CHERP: variants seen among roughly 807,000 people sequenced by gnomAD.
The protein encoded by CHERP is ERPROT 213-21.
In CHERP, 8 loss-of-function variants were observed where a neutral mutation model predicts 113.8. The ratio of observed to expected loss-of-function variants is 0.07; its 90% confidence interval spans 0.04 to 0.13. The LOEUF is 0.13. Among genes scored for constraint, CHERP ranks in the 10% least tolerant of loss-of-function variants. The pLI, the probability that CHERP is intolerant of heterozygous loss-of-function variation, is 1.00. For synonymous variants in CHERP, 559 were observed against 524.5 expected (o/e 1.07, Z -0.90); for missense variants, 884 against 1,298.2 (o/e 0.68, Z 4.90).
chr19:16,534,043 CTTTCT>C lies in CHERP; in HGVS notation c.385-900_385-896del, dbSNP rs1295956916. Among the ~76,000 whole-genome samples the C allele has an allele frequency of 1.1e-3, 151 of 142,370 alleles. 1 individual carries two copies. The highest frequency in any genetic ancestry group is 3.3e-3 in the African/African-American group (116 of 35,558). The allele number at this position is 142,370 out of a possible 152,430, so 93.4% of individuals were successfully genotyped here. On this transcript the variant is annotated intron_variant, in intron 3 of 16. Coordinates refer to ENST00000546361, the MANE Select transcript of CHERP (RefSeq NM_006387.6). ...GAAGCTGAGGGTGAGCATTCTGGAA[CTTTCT>C]TTTCTTTTCTTTTTTTTTTTTTTGA... is the stretch of plus-strand genomic sequence containing the variant.
chr19:16,522,097 C>T (rs1399801210), intron 11 of CHERP, among the ~76,000 whole-genome samples: 1 of 152,176 alleles, frequency 6.6e-6, no homozygotes, highest in African/African-American at 2.4e-5. Flanking sequence ...CCTGTTGAGG[C>T]CCTGCCCTGC....
At position 16,528,179 on chromosome 19, in the gene CHERP, A is replaced by G. The variant is rs2122262429; in HGVS notation, c.1206T>C (p.Ala402=). The G allele has an allele frequency of 6.2e-7, 1 of 1,613,174 alleles. No individual in the cohort carries two copies. The highest frequency in any genetic ancestry group is 1.3e-5 in the African/African-American group (1 of 75,016). Reference sequence around the variant, plus strand: ...GTGGCCCGGGGCCCCGGGGGCCGGCAGCTGCAGGATCCTGGACCCCTCCTG... The same window carrying G: ...GTGGCCCGGGGCCCCGGGGGCCGGCGGCTGCAGGATCCTGGACCCCTCCTG... The part of the protein sequence containing the change: ...EAPGGVQDPA[A]AGPRGPGPHD... Residue 402 remains alanine, a synonymous_variant, in exon 9 of 17, where the codon GCT becomes GCC. Coordinates refer to ENST00000546361, the MANE Select transcript of CHERP (RefSeq NM_006387.6).
In CHERP at chr19:16,519,506, A is replaced by T. The variant is rs2085586705; in HGVS notation, c.2557+115T>A. ...GTCTAGAGGGTCTGGGTGGAGTCAG[A>T]ACCGGCCTGACTCCATCCATCCCCA... On this transcript the variant is annotated intron_variant, in intron 16 of 16. Transcript: ENST00000546361. The surrounding 1 kb of genome is among the most constrained non-coding windows in gnomAD (Gnocchi z 6.0). 5.6e-6 allele frequency: 7 copies of T among 1,254,740 alleles called. No individual in the cohort carries two copies. The highest frequency in any genetic ancestry group is 8.1e-6 in the Non-Finnish European group (7 of 868,682). The allele number at this position is 1,254,740 out of a possible 1,614,324, so 77.7% of individuals were successfully genotyped here.
rs2122237487 is a variant in CHERP, at chr19:16,519,433, G to A, written c.2558-81C>T. On this transcript the variant is annotated intron_variant, in intron 16 of 16. Transcript: ENST00000546361. The surrounding 1 kb of genome is among the most constrained non-coding windows in gnomAD (Gnocchi z 6.0). ...CGTGGGGGGCTGAATGTCCAGACAG[G>A]CAGTGTAGACATGGGAAATGGGTAG... 2 of 1,452,430 alleles carry A rather than the reference G, an allele frequency of 1.4e-6. No individual in the cohort carries two copies. Among genetic ancestry groups the A allele is most frequent in the South Asian group, 1.2e-5 (1 of 81,582 alleles). The allele number at this position is 1,452,430 out of a possible 1,614,324, so 90.0% of individuals were successfully genotyped here.
intron 1 of CHERP, 137 bp downstream of exon 1, chr19:16,542,217 C>G (rs1204377294): frequency 9.3e-7 from 1 of 1,079,356 alleles, no homozygotes; most frequent in Non-Finnish European, 1.3e-6. Context: ...AATGCGGGGA[C>G]CCACGGGAGA....
intron 2 of CHERP, chr19:16,539,668 T>C (rs2085764848): frequency 6.6e-6 from 1 of 152,084 alleles, no homozygotes. Flanking sequence ...TCTTCCCTCA[T>C]ACAAGCACAT....
chr19:16,533,181 A>G (rs2085718740), intron 3 of CHERP, 33 bp from the exon 4 acceptor site: 3 of 1,560,506 alleles, frequency 1.9e-6, no homozygotes, highest in African/African-American at 1.3e-5. Flanking sequence ...TCGAGAACAC[A>G]TGAGGAGGGA....
At position 16,518,787 on chromosome 19, in the gene CHERP, T is replaced by C. The variant is rs1475956475; in HGVS notation, c.*372A>G. 1 of 257,312 alleles carries C rather than the reference T, an allele frequency of 3.9e-6. No individual in the cohort carries two copies. Among genetic ancestry groups the C allele is most frequent in the Non-Finnish European group, 7.5e-6 (1 of 132,616 alleles). The allele number at this position is 257,312 out of a possible 1,614,324, so 15.9% of individuals were successfully genotyped here. On this transcript the variant is annotated 3_prime_UTR_variant, in exon 17 of 17. Transcript: ENST00000546361. Reference sequence around the variant, plus strand: ...GGCTCAGGCCAACCCTTCCTGCACATGCTCCTCCTGGAGCCTAGGAGGAGG... The same window carrying C: ...GGCTCAGGCCAACCCTTCCTGCACACGCTCCTCCTGGAGCCTAGGAGGAGG...
chr19:16,521,505 G>T lies in CHERP; in HGVS notation c.2114+16C>A, dbSNP rs756060926. ...ACAGAGGCCTCCCGCCCACCCCACT[G>T]ACCTGGGCCCCTTACCTGTTCCTGG... On this transcript the variant is annotated intron_variant, in intron 12 of 16. Coordinates refer to ENST00000546361, the MANE Select transcript of CHERP (RefSeq NM_006387.6). The T allele has an allele frequency of 9.5e-6, 15 of 1,573,876 alleles. No individual in the cohort carries two copies. In the South Asian group the frequency reaches 1.7e-4, roughly 18 times the overall value.
At position 16,519,979 on chromosome 19, in the gene CHERP, T is replaced by G; in HGVS notation, c.2462+170A>C. The G allele has an allele frequency of 1.3e-6, 1 of 750,106 alleles. No homozygotes were observed. Among genetic ancestry groups the G allele is most frequent in the South Asian group, 1.7e-5 (1 of 57,844 alleles). The allele number at this position is 750,106 out of a possible 1,614,324, so 46.5% of individuals were successfully genotyped here. A position where few individuals can be genotyped will look rare whatever the true frequency, so the allele number is the denominator to read the frequency against. On this transcript the variant is annotated intron_variant, in intron 15 of 16. Coordinates refer to ENST00000546361, the MANE Select transcript of CHERP (RefSeq NM_006387.6). The surrounding 1 kb of genome is among the most constrained non-coding windows in gnomAD (Gnocchi z 6.0). ...TAGAAAGCAGACCCCAGTTACTGCC[T>G]CAGGCTTCGCCAAGTGGCTACTGTG...
At position 16,520,911 on chromosome 19, in the gene CHERP, C is replaced by G; in HGVS notation, c.2116G>C (p.Glu706Gln). The stretch of plus-strand genomic sequence containing the variant: ...TAGAGGCCGTTCTGCTCCCAGCCTT[C>G]ACTGTAAGACACGGCATTCCGTGTG... ...PPSHDRPRNS[E>Q]GWEQNGLYEF... is the part of the protein sequence containing the mutation. Residue 706 changes from glutamate (E) to glutamine (Q), a missense_variant and splice_region_variant, in exon 13 of 17, where the codon GAA becomes CAA. Transcript: ENST00000546361. This position sits in a 1 kb window ranked among gnomAD's most constrained non-coding sequence, Gnocchi z 4.0. 1 of 1,613,578 alleles carries G rather than the reference C, an allele frequency of 6.2e-7. No individual in the cohort carries two copies. The highest frequency in any genetic ancestry group is 8.5e-7 in the Non-Finnish European group (1 of 1,179,894).
rs2085653898 is a variant in CHERP, at chr19:16,525,766, G to A, written c.1306-89C>T. On this transcript the variant is annotated intron_variant, in intron 9 of 16. Coordinates refer to ENST00000546361, the MANE Select transcript of CHERP (RefSeq NM_006387.6). This position sits in a 1 kb window ranked among gnomAD's most constrained non-coding sequence, Gnocchi z 6.5. Reference sequence around the variant, plus strand: ...AGCGCTCGGCAGCATCACAGCGCTGGCTCAGACCATGGAGGCGCTGCCCTG... The same window carrying A: ...AGCGCTCGGCAGCATCACAGCGCTGACTCAGACCATGGAGGCGCTGCCCTG... 4 of 1,256,550 alleles carry A rather than the reference G, an allele frequency of 3.2e-6. No individual in the cohort carries two copies. Among genetic ancestry groups the A allele is most frequent in the Non-Finnish European group, 4.2e-6 (4 of 947,302 alleles). The allele number at this position is 1,256,550 out of a possible 1,614,324, so 77.8% of individuals were successfully genotyped here. A position where few individuals can be genotyped will look rare whatever the true frequency, so the allele number is the denominator to read the frequency against.
At chr19:16,539,062 T>A (rs980862718) in intron 2 of CHERP, among the ~76,000 whole-genome samples, 2 of 152,030 alleles carry the variant, frequency 1.3e-5, no homozygotes, top group East Asian at 3.9e-4. Flanking sequence ...TCCCTGTAGC[T>A]TGTCCTACAC....
In CHERP at chr19:16,541,841, G is replaced by A. The variant is rs1445417392; in HGVS notation, c.199+29C>T. Reference sequence around the variant, plus strand: ...AATCCGAGAAAGGAAGCGCTCGATGGGACGGCCTGAGTGCCGGAGGGGACT... The same window carrying A: ...AATCCGAGAAAGGAAGCGCTCGATGAGACGGCCTGAGTGCCGGAGGGGACT... On this transcript the variant is annotated intron_variant, in intron 2 of 16. Transcript: ENST00000546361. 6.3e-6 allele frequency: 10 copies of A among 1,599,808 alleles called. No individual in the cohort carries two copies. In the South Asian group the frequency reaches 8.9e-5, roughly 14 times the overall value.
rs915396780 is a variant in CHERP, at chr19:16,537,081, T to A, written c.200-1445A>T. ...GTTGGAAACTTCTCCCTTTACCCCA[T>A]GATCCCTCTCTAAACGATTTCTCAG... On this transcript the variant is annotated intron_variant, in intron 2 of 16. Transcript: ENST00000546361. Among the ~76,000 whole-genome samples the A allele has an allele frequency of 4.6e-5, 7 of 152,178 alleles. No individual in the cohort carries two copies. In the South Asian group the frequency reaches 1.5e-3, roughly 32 times the overall value.
intron 8 of CHERP, among the ~76,000 whole-genome samples, chr19:16,528,540 T>C (rs80310046): frequency 1.3e-5 from 2 of 152,238 alleles, no homozygotes; most frequent in East Asian, 1.9e-4. Flanking sequence ...CACACTGAAT[T>C]TGATTAGACA....
At position 16,520,299 on chromosome 19, in the gene CHERP, C is replaced by A; in HGVS notation, c.2346-34G>T. 1 of 1,611,124 alleles carries A rather than the reference C, an allele frequency of 6.2e-7. No individual in the cohort carries two copies. The highest frequency in any genetic ancestry group is 8.5e-7 in the Non-Finnish European group (1 of 1,178,174). ...AAGGGTGCCCAAGGGTCAGCAGCAG[C>A]CAGGCGTCGTGGGGAGGCCACAGGA... On this transcript the variant is annotated intron_variant, in intron 14 of 16. Transcript: ENST00000546361. The surrounding 1 kb of genome is among the most constrained non-coding windows in gnomAD (Gnocchi z 4.0).
intron 12 of CHERP, 99 bp downstream of exon 12, chr19:16,521,422 G>A: frequency 8.3e-7 from 1 of 1,210,172 alleles, no homozygotes; most frequent in Non-Finnish European, 1.1e-6. Context: ...TCTCCTGAGG[G>A]ACAGCCACAT....
Position 16,519,514 on chromosome 19 carries a change from T to C in CHERP, c.2557+107A>G. The stretch of plus-strand genomic sequence containing the variant: ...GGTCTGGGTGGAGTCAGAACCGGCC[T>C]GACTCCATCCATCCCCACATGCACT... On this transcript the variant is annotated intron_variant, in intron 16 of 16. Coordinates refer to ENST00000546361, the MANE Select transcript of CHERP (RefSeq NM_006387.6). The surrounding 1 kb of genome is among the most constrained non-coding windows in gnomAD (Gnocchi z 6.0). 1 of 1,282,678 alleles carries C rather than the reference T, an allele frequency of 7.8e-7. No individual in the cohort carries two copies. Among genetic ancestry groups the C allele is most frequent in the South Asian group, 1.2e-5 (1 of 81,246 alleles). The allele number at this position is 1,282,678 out of a possible 1,614,324, so 79.5% of individuals were successfully genotyped here. A position where few individuals can be genotyped will look rare whatever the true frequency, so the allele number is the denominator to read the frequency against.
Sources: allele counts gnomAD v4.1 joint callset (sites outside exome capture counted in the v4.1 genomes callset), GRCh38; gene constraint gnomAD v4.1.1; non-coding constraint Gnocchi (gnomAD v3.1); transcripts MANE v1.5; gene names NCBI Gene and HGNC (gene_info 2026-07-23, HGNC 2026-07-21).